UQCR10: variants seen among roughly 807,000 people sequenced by gnomAD.
UQCR10 encodes ubiquinol-cytochrome c reductase, complex III subunit X.
UQCR10 carries 5 observed loss-of-function variants against 6.0 expected under a neutral mutation model. That is an observed-to-expected ratio of 0.83 (90% CI 0.43 to 1.74). The LOEUF is 1.74. Ranked by LOEUF, UQCR10 falls within the 40% of genes most tolerant of loss-of-function variation. The pLI, the probability that UQCR10 is intolerant of heterozygous loss-of-function variation, is 0.02. For synonymous variants in UQCR10, 40 were observed against 37.4 expected, an observed-to-expected ratio of 1.07 and a Z score of -0.26; for missense variants, 101 against 85.1, an observed-to-expected ratio of 1.19 and a Z score of -0.74.
intron 1 of UQCR10, among the ~76,000 whole-genome samples, chr22:29,768,402 C>G (rs1383720752): frequency 6.6e-6 from 1 of 152,098 alleles, no homozygotes; most frequent in African/African-American, 2.4e-5. Flanking sequence ...AGCCCTGTTC[C>G]ACCACTCACT....
At chr22:29,768,701 A>G (rs2068243709) in intron 1 of UQCR10, among the ~76,000 whole-genome samples, 2 of 151,660 alleles carry the variant, frequency 1.3e-5, no homozygotes, top group African/African-American at 4.9e-5. Context: ...ATCACAGCTC[A>G]CTGCAGCCTT....
At chr22:29,769,564 C>T (rs926904824) in intron 1 of UQCR10, 114 bp from the exon 2 acceptor site, 7 of 1,157,656 alleles carry the variant, frequency 6.0e-6, no homozygotes, top group Middle Eastern at 2.9e-4. Flanking sequence ...TCTTTTTAAT[C>T]AGGACATGGC....
intron 1 of UQCR10, 39 bp from the exon 2 acceptor site, chr22:29,769,639 C>T: frequency 6.3e-7 from 1 of 1,586,994 alleles, no homozygotes; most frequent in Non-Finnish European, 8.6e-7. Context: ...ATGTGAGAGG[C>T]AAAGGTCAAA....
At position 29,769,785 on chromosome 22, in the gene UQCR10, G is replaced by T; in HGVS notation, c.*66G>T. ...ACCCAGCAGCTGTTTGCCCAGAGCT[G>T]GAGCCTCAGCTTGAAGATGATGCTC... On this transcript the variant is annotated 3_prime_UTR_variant, in exon 2 of 2. Transcript: ENST00000330029. The T allele has an allele frequency of 1.3e-6, 2 of 1,552,540 alleles. No homozygotes were observed. Among genetic ancestry groups the T allele is most frequent in the Non-Finnish European group, 1.8e-6 (2 of 1,140,132 alleles).
chr22:29,767,438 C>G lies in UQCR10; in HGVS notation c.40C>G (p.Leu14Val), dbSNP rs920467333. The change falls in exon 1 of 2, where the codon CTG becomes GTG. Residue 14 changes from leucine (L) to valine (V), a missense_variant. Physicochemically the swap from Leu to Val is conservative, Grantham distance 32 (BLOSUM62 1). Coordinates refer to ENST00000330029, the MANE Select transcript of UQCR10 (RefSeq NM_013387.4). ...ATLTSKLYSL[L>V]FRRTSTFALT... ...GTTGACTTCGAAATTGTACTCCCTGCTGTTCCGCAGGACCTCCACCTTCGC... is the reference window on the plus strand; with the variant it reads ...GTTGACTTCGAAATTGTACTCCCTGGTGTTCCGCAGGACCTCCACCTTCGC... 2.5e-6 allele frequency: 4 copies of G among 1,613,962 alleles called. No homozygotes were observed. The highest frequency in any genetic ancestry group is 3.4e-6 in the Non-Finnish European group (4 of 1,179,854).
chr22:29,767,501 G>T lies in UQCR10; in HGVS notation c.103G>T (p.Ala35Ser), dbSNP rs749721393. 1.2e-6 allele frequency: 2 copies of T among 1,613,988 alleles called. No homozygotes were observed. The highest frequency in any genetic ancestry group is 1.7e-6 in the Non-Finnish European group (2 of 1,179,872). The change falls in exon 1 of 2, where the codon GCC becomes TCC. Residue 35 changes from alanine (A) to serine (S), a missense_variant. Coordinates refer to ENST00000330029, the MANE Select transcript of UQCR10 (RefSeq NM_013387.4). ...IIVGVMFFER[A>S]FDQGADAIYD... ...CGTGGGCGTCATGTTCTTCGAGCGC[G>T]CCTTCGATCAAGGCGCGGACGCTAT...
chr22:29,767,412 C>A lies in UQCR10; in HGVS notation c.14C>A (p.Thr5Lys), dbSNP rs756103227. 6.2e-7 allele frequency: 1 copy of A among 1,612,942 alleles called. No homozygotes were observed. The highest frequency in any genetic ancestry group is 1.3e-5 in the African/African-American group (1 of 74,924). The change falls in exon 1 of 2, where the codon ACG becomes AAG. Residue 5 changes from threonine to lysine, a missense_variant. By Grantham distance (78) the Thr-to-Lys change is moderately conservative (BLOSUM62 -1). Transcript: ENST00000330029. Reference protein sequence around the residue: MAAATLTSKLYSLLF... With the variant: MAAAKLTSKLYSLLF... Reference sequence around the variant, plus strand: ...CTGTGAAGAAACATGGCGGCCGCGACGTTGACTTCGAAATTGTACTCCCTG... The same window carrying A: ...CTGTGAAGAAACATGGCGGCCGCGAAGTTGACTTCGAAATTGTACTCCCTG...
At chr22:29,769,322 C>T (rs1049229057) in intron 1 of UQCR10, among the ~76,000 whole-genome samples, 5 of 151,974 alleles carry the variant, frequency 3.3e-5, no homozygotes, top group Admixed American at 6.6e-5. Flanking sequence ...GCCAACATGG[C>T]GAAACCCCAT....
In UQCR10 at chr22:29,769,967, TTTG is replaced by T. The variant is rs1337351260; in HGVS notation, c.*251_*253del. On this transcript the variant is annotated 3_prime_UTR_variant, in exon 2 of 2. Transcript: ENST00000330029. ...TGAGACCTGCTTCTACATTGGTTGCTTTGTTAACTCTACCTGATCTTCACTTGT... is the reference window on the plus strand; with the variant it reads ...TGAGACCTGCTTCTACATTGGTTGCTTTAACTCTACCTGATCTTCACTTGT... 3 of 645,272 alleles carry T rather than the reference TTTG, an allele frequency of 4.6e-6. No homozygotes were observed. The highest frequency in any genetic ancestry group is 4.5e-5 in the South Asian group (3 of 66,172). 40.0% of individuals were successfully genotyped at this position (645,272 alleles called of 1,614,324 possible).
chr22:29,769,492 G>A (rs749055546), intron 1 of UQCR10, among the ~76,000 whole-genome samples, 186 bp from the exon 2 acceptor site: 5 of 151,896 alleles, frequency 3.3e-5, no homozygotes, highest in Non-Finnish European at 2.9e-5. Context: ...GCGAGTCTCC[G>A]TCTCAAAAAA....
intron 1 of UQCR10, among the ~76,000 whole-genome samples, chr22:29,768,776 G>A (rs139520152): frequency 0.01 from 1,551 of 152,174 alleles, 26 homozygotes; most frequent in African/African-American, 0.036. Flanking sequence ...ACAGGCATGC[G>A]CCACCACGCC....
chr22:29,769,039 C>A (rs1569344548), intron 1 of UQCR10, among the ~76,000 whole-genome samples: 1 of 152,116 alleles, frequency 6.6e-6, no homozygotes, highest in Non-Finnish European at 1.5e-5. Context: ...TCAGTAATAC[C>A]TGGGAGTTGA....
Position 29,769,852 on chromosome 22 carries a change from C to A in UQCR10, c.*133C>A, listed in dbSNP as rs759014030. ...ACCACCATTCGCTGTTGGCAAGAAACGGCTTTACTTACAAAACAGACTCTT... is the reference window on the plus strand; with the variant it reads ...ACCACCATTCGCTGTTGGCAAGAAAAGGCTTTACTTACAAAACAGACTCTT... On this transcript the variant is annotated 3_prime_UTR_variant, in exon 2 of 2. Coordinates refer to ENST00000330029, the MANE Select transcript of UQCR10 (RefSeq NM_013387.4). 1.9e-6 allele frequency: 2 copies of A among 1,036,896 alleles called. No homozygotes were observed. The highest frequency in any genetic ancestry group is 1.4e-5 in the South Asian group (1 of 72,814). 64.2% of individuals were successfully genotyped at this position (1,036,896 alleles called of 1,614,324 possible).
In UQCR10 at chr22:29,767,491, C is replaced by T; in HGVS notation, c.93C>T (p.Phe31=). ...FALTIIVGVM[F]FERAFDQGAD... Reference sequence around the variant, plus strand: ...TCACCATCATCGTGGGCGTCATGTTCTTCGAGCGCGCCTTCGATCAAGGCG... The same window carrying T: ...TCACCATCATCGTGGGCGTCATGTTTTTCGAGCGCGCCTTCGATCAAGGCG... The change falls in exon 1 of 2, where the codon TTC becomes TTT. Residue 31 remains phenylalanine, a synonymous_variant. Transcript: ENST00000330029. 1 of 1,614,030 alleles carries T rather than the reference C, an allele frequency of 6.2e-7. No homozygotes were observed. Among genetic ancestry groups the T allele is most frequent in the Non-Finnish European group, 8.5e-7 (1 of 1,179,886 alleles).
chr22:29,769,097 T>G (rs1940229426), intron 1 of UQCR10, among the ~76,000 whole-genome samples: 2 of 152,204 alleles, frequency 1.3e-5, no homozygotes, highest in Non-Finnish European at 1.5e-5. Flanking sequence ...TTGTGTGTTT[T>G]GGGGCACTTC....
At chr22:29,768,165 C>T (rs945664103) in intron 1 of UQCR10, among the ~76,000 whole-genome samples, 3 of 152,148 alleles carry the variant, frequency 2.0e-5, no homozygotes, top group Admixed American at 6.5e-5. Flanking sequence ...TTAATAGTAA[C>T]CTGAGCACGA....
rs1191059869 is a variant in UQCR10, at chr22:29,767,518, G to A, written c.120G>A (p.Ala40=). ...MFFERAFDQG[A]DAIYDHINEG... Reference sequence around the variant, plus strand: ...TCGAGCGCGCCTTCGATCAAGGCGCGGACGCTATCTACGACCACATCAACG... The same window carrying A: ...TCGAGCGCGCCTTCGATCAAGGCGCAGACGCTATCTACGACCACATCAACG... Residue 40 remains alanine (A), a synonymous_variant, in exon 1 of 2, where the codon GCG becomes GCA. Transcript: ENST00000330029. 2 of 1,613,936 alleles carry A rather than the reference G, an allele frequency of 1.2e-6. No individual in the cohort carries two copies. The highest frequency in any genetic ancestry group is 4.5e-5 in the East Asian group (2 of 44,872).
Position 29,767,369 on chromosome 22 carries a change from G to T in UQCR10, c.-30G>T. On this transcript the variant is annotated 5_prime_UTR_variant, in exon 1 of 2. Coordinates refer to ENST00000330029, the MANE Select transcript of UQCR10 (RefSeq NM_013387.4). ...GAACGAGGTCGGCCCCAGCGCAGGCGCGGTGGCGCGAGTTGGACTGTGAAG... is the reference window on the plus strand; with the variant it reads ...GAACGAGGTCGGCCCCAGCGCAGGCTCGGTGGCGCGAGTTGGACTGTGAAG... 5 of 1,429,270 alleles carry T rather than the reference G, an allele frequency of 3.5e-6. No individual in the cohort carries two copies. The highest frequency in any genetic ancestry group is 3.9e-6 in the Non-Finnish European group (4 of 1,024,216). 88.5% of individuals were successfully genotyped at this position (1,429,270 alleles called of 1,614,324 possible).
intron 1 of UQCR10, 106 bp downstream of exon 1, chr22:29,767,654 A>G (rs1461938334): frequency 7.0e-7 from 1 of 1,438,398 alleles, no homozygotes; most frequent in Non-Finnish European, 9.3e-7. Flanking sequence ...GGTAAGGGGT[A>G]AACCGTCGGC....
Sources: allele counts gnomAD v4.1 joint callset (sites outside exome capture counted in the v4.1 genomes callset), GRCh38; gene constraint gnomAD v4.1.1; transcripts MANE v1.5; gene names NCBI Gene and HGNC (gene_info 2026-07-23, HGNC 2026-07-21).